The following DDX21 variants were observed in gnomAD, a reference collection of about 807,000 sequenced individuals.
DDX21 encodes nucleolar RNA helicase 2.
A neutral mutation model predicts 90.0 loss-of-function variants in DDX21; 18 were observed. The ratio of observed to expected loss-of-function variants is 0.20; its 90% CI spans 0.14 to 0.30. DDX21 has a LOEUF of 0.30. Ranked by LOEUF, DDX21 falls within the 10% of genes least tolerant of loss-of-function variation. The probability of loss-of-function intolerance (pLI) is 1.00; values close to 1 mark genes in which losing one functional copy is unlikely to be tolerated. For synonymous variants in DDX21, 294 were observed against 318.0 expected (o/e 0.92, Z 0.80); for missense variants, 673 against 944.5 (o/e 0.71, Z 3.77).
chr10:68,956,495 C>T (rs1842796136), intron 1 of DDX21, 183 bp downstream of exon 1: 9 of 1,439,176 alleles, frequency 6.3e-6, no homozygotes, highest in East Asian at 2.6e-5. Flanking sequence ...GTGGACGCGT[C>T]GTTTGCCCGA....
intron 10 of DDX21, among the ~76,000 whole-genome samples, chr10:68,974,215 G>T (rs1013098966): frequency 6.6e-6 from 1 of 152,202 alleles, no homozygotes; most frequent in Non-Finnish European, 1.5e-5. Flanking sequence ...ACATAGCCAT[G>T]TGCCCCTGAT....
At chr10:68,981,153 A>C (rs1843184512) in intron 13 of DDX21, among the ~76,000 whole-genome samples, 1 of 152,202 alleles carries the variant, frequency 6.6e-6, no homozygotes, top group Admixed American at 6.5e-5. Flanking sequence ...AGCCATACAG[A>C]CTAGATTTTA....
At chr10:68,968,935 T>G (rs1390003098) in intron 6 of DDX21, 41 bp from the exon 7 acceptor site, 1 of 1,606,114 alleles carries the variant, frequency 6.2e-7, no homozygotes, top group Non-Finnish European at 8.5e-7. Context: ...TAGGCTTGTT[T>G]GGATTATTCA....
At chr10:68,981,465 T>G in intron 13 of DDX21, 72 bp from the exon 14 acceptor site, 1 of 1,303,416 alleles carries the variant, frequency 7.7e-7, no homozygotes, top group Non-Finnish European at 1.1e-6. Context: ...TTTTAAAGAA[T>G]ACGTGGTCTT....
Position 68,983,127 on chromosome 10 carries a change from A to C in DDX21, c.*315A>C. ...GTATCTGCCTATACTTTGTGAGTTC[A>C]CCTGTCTTTATACTCAAAAGTGTCC... On this transcript the variant is annotated 3_prime_UTR_variant, in exon 15 of 15. Coordinates refer to ENST00000354185, the MANE Select transcript of DDX21 (RefSeq NM_004728.4). The C allele has an allele frequency of 1.2e-5, 4 of 329,430 alleles. No homozygotes were observed. The South Asian group carries it at 1.4e-4, about 12-fold the overall frequency. 20.4% of individuals were successfully genotyped at this position (329,430 alleles called of 1,614,324 possible).
At chr10:68,958,808 C>G (rs756124568) in intron 1 of DDX21, among the ~76,000 whole-genome samples, 1 of 152,188 alleles carries the variant, frequency 6.6e-6, no homozygotes, top group Non-Finnish European at 1.5e-5. Flanking sequence ...CTGCTGGCCT[C>G]AAACAATCCT....
Position 68,977,647 on chromosome 10 carries a change from GCCACGTCCGTAGA to G in DDX21, c.1865_1877del (p.Thr622SerfsTer4). 6.2e-7 allele frequency: 1 copy of G among 1,613,566 alleles called. No homozygotes were observed. The highest frequency in any genetic ancestry group is 2.2e-5 in the East Asian group (1 of 44,888). ...AGCAGCACTGGCCCATATTTCAGGT[GCCACGTCCGTAGA>G]CCAGCGCTCCTTGATCAACTCAAAT... is the stretch of plus-strand genomic sequence containing the variant. On this transcript the variant is annotated frameshift_variant, in exon 12 of 15. Coordinates refer to ENST00000354185, the MANE Select transcript of DDX21 (RefSeq NM_004728.4). LOFTEE classifies it high-confidence loss of function.
chr10:68,959,858 A>G lies in DDX21; in HGVS notation c.140A>G (p.Glu47Gly). The G allele has an allele frequency of 6.3e-7, 1 of 1,581,048 alleles. No homozygotes were observed. Residue 47 changes from glutamate to glycine, a missense_variant, in exon 2 of 15, where the codon GAG (glutamate) becomes GGG (glycine). Transcript: ENST00000354185. The stretch of plus-strand genomic sequence containing the variant: ...GATAAGACTGAAGAGATAGCAGAAG[A>G]GGAAGAAACTGTTTTCCCCAAAGCT... ...KSDKTEEIAE[E>G]EETVFPKAKQ...
intron 1 of DDX21, among the ~76,000 whole-genome samples, chr10:68,957,491 T>C (rs1032883967): frequency 5.3e-5 from 8 of 152,356 alleles, no homozygotes; most frequent in Middle Eastern, 3.4e-3. Flanking sequence ...TTGGTTTCTC[T>C]GTCTTTTGAT....
chr10:68,980,706 A>G (rs1843173219), intron 13 of DDX21, among the ~76,000 whole-genome samples: 1 of 152,076 alleles, frequency 6.6e-6, no homozygotes, highest in Non-Finnish European at 1.5e-5. Context: ...ATGGCACTTA[A>G]TATTAAAGAT....
chr10:68,973,786 T>A lies in DDX21; in HGVS notation c.1668+122T>A, dbSNP rs1843058474. On this transcript the variant is annotated intron_variant, in intron 10 of 14. Transcript: ENST00000354185. ...TAGTGTGTGGCAATGACTGAAAGCT[T>A]ATTGTTAGGTACATATGTTGTCCTG... 3 of 1,280,738 alleles carry A rather than the reference T, an allele frequency of 2.3e-6. No individual in the cohort carries two copies. In the African/African-American group the frequency reaches 4.5e-5, roughly 19 times the overall value. The allele number at this position is 1,280,738 out of a possible 1,614,324, so 79.3% of individuals were successfully genotyped here.
At chr10:68,976,294 T>G (rs1684798929) in intron 11 of DDX21, among the ~76,000 whole-genome samples, 1 of 151,082 alleles carries the variant, frequency 6.6e-6, no homozygotes, top group African/African-American at 2.4e-5. Flanking sequence ...TGAGTGTATT[T>G]TTTTTTTTTT....
chr10:68,979,580 A>G (rs1420243034), intron 13 of DDX21, among the ~76,000 whole-genome samples: 1 of 152,238 alleles, frequency 6.6e-6, no homozygotes, highest in African/African-American at 2.4e-5. Flanking sequence ...ATATATGTCT[A>G]GGAAACTCCA....
At chr10:68,970,180 T>C (rs777760938) in intron 7 of DDX21, 21 bp from the exon 8 acceptor site, 3 of 1,588,762 alleles carry the variant, frequency 1.9e-6, no homozygotes, top group Admixed American at 1.8e-5. Flanking sequence ...TAAATAGATG[T>C]TTTTTTTCTT....
At chr10:68,972,170 G>C (rs935795861) in intron 9 of DDX21, 118 bp downstream of exon 9, 1 of 1,161,592 alleles carries the variant, frequency 8.6e-7, no homozygotes, top group Non-Finnish European at 1.2e-6. Flanking sequence ...TGAGTGCTGG[G>C]ATGCTAAGGG....
At position 68,960,173 on chromosome 10, in the gene DDX21, A is replaced by G. The variant is rs1297194963; in HGVS notation, c.455A>G (p.Asn152Ser). 1 of 1,613,712 alleles carries G rather than the reference A, an allele frequency of 6.2e-7. No homozygotes were observed. The highest frequency in any genetic ancestry group is 8.5e-7 in the Non-Finnish European group (1 of 1,179,954). ...AGAGAGAAAAGCCCCAAACTGAAGA[A>G]TGGATTTCCTCATCCTGAACCGGAC... ...ETREKSPKLK[N>S]GFPHPEPDCN... is the part of the protein sequence containing the mutation. The change falls in exon 2 of 15, where the codon AAT (asparagine) becomes AGT (serine). Residue 152 changes from asparagine (N) to serine (S), a missense_variant. Coordinates refer to ENST00000354185, the MANE Select transcript of DDX21 (RefSeq NM_004728.4).
chr10:68,978,072 A>G (rs1271256119), intron 12 of DDX21, among the ~76,000 whole-genome samples: 4 of 152,154 alleles, frequency 2.6e-5, no homozygotes, highest in Non-Finnish European at 5.9e-5. Context: ...GAGATCCATG[A>G]TGGTGCCACT....
chr10:68,964,121 GAAAA>G (rs1842908505), intron 4 of DDX21: 1 of 319,118 alleles, frequency 3.1e-6, no homozygotes, highest in Admixed American at 3.8e-5. Flanking sequence ...AAAAAAAAAA[GAAAA>G]GCATGAATGG....
At chr10:68,968,895 T>A in intron 6 of DDX21, 81 bp from the exon 7 acceptor site, 1 of 1,492,192 alleles carries the variant, frequency 6.7e-7, no homozygotes, top group South Asian at 1.3e-5. Flanking sequence ...TGATGGACTG[T>A]GGAAGTATTA....
Sources: gnomAD v4.1 joint callset for allele counts (sites outside exome capture counted in the v4.1 genomes callset) on GRCh38, gnomAD v4.1.1 for gene constraint, MANE v1.5 for transcripts, NCBI Gene and HGNC (gene_info 2026-07-23, HGNC 2026-07-21) for gene names.